The following CFAP20DC variants were observed in gnomAD, a reference collection of about 807,000 sequenced individuals.
CFAP20DC encodes protein CFAP20DC.
CFAP20DC carries 84 observed loss-of-function variants against 101.7 expected under a neutral mutation model. The ratio of observed to expected loss-of-function variants is 0.83; its 90% CI spans 0.69 to 0.99. The LOEUF is 0.99. Ranked by LOEUF, CFAP20DC falls within the 50% of genes least tolerant of loss-of-function variation. The pLI, the probability that CFAP20DC is intolerant of heterozygous loss-of-function variation, is 0.00. For synonymous variants in CFAP20DC, 359 were observed against 351.2 expected, an observed-to-expected ratio of 1.02 and a Z score of -0.25; for missense variants, 1,007 against 970.3, an observed-to-expected ratio of 1.04 and a Z score of -0.50.
At chr3:58,815,596 C>T (rs1221071654) in intron 14 of CFAP20DC, among the ~76,000 whole-genome samples, 1 of 151,496 alleles carries the variant, frequency 6.6e-6, no homozygotes, top group Non-Finnish European at 1.5e-5. Context: ...AGAAAATTTT[C>T]ACAACCTGCT....
At chr3:58,761,765 T>A (rs1014139036) in intron 15 of CFAP20DC, among the ~76,000 whole-genome samples, 1 of 152,230 alleles carries the variant, frequency 6.6e-6, no homozygotes, top group African/African-American at 2.4e-5. Context: ...TCAAAGAACA[T>A]CTTTATTCCT....
At chr3:58,934,237 C>T (rs148891716) in intron 5 of CFAP20DC, among the ~76,000 whole-genome samples, 5,647 of 152,242 alleles carry the variant, frequency 0.037, 349 homozygotes, top group African/African-American at 0.13. Context: ...AGCTGAATCT[C>T]TGAATAGACC....
intron 4 of CFAP20DC, among the ~76,000 whole-genome samples, chr3:58,985,404 A>G (rs998473422): frequency 6.6e-6 from 1 of 152,104 alleles, no homozygotes; most frequent in Non-Finnish European, 1.5e-5. Flanking sequence ...TACACTCACC[A>G]TATCTAGTTT....
rs764899963 is a variant in CFAP20DC, at chr3:58,782,296, G to A, written c.2237+24099C>T. Among the ~76,000 whole-genome samples, 38 of 151,714 alleles carry A rather than the reference G, an allele frequency of 2.5e-4. 1 individual carries two copies. The highest frequency in any genetic ancestry group is 1.3e-4 in the Admixed American group (2 of 15,184). On this transcript the variant is annotated intron_variant, in intron 15 of 16. Coordinates refer to ENST00000482387, the MANE Select transcript of CFAP20DC (RefSeq NM_001394063.1). ...AATAATATACTTCAAAATAATAAAG[G>A]CCATATATGACACACCCAGAGCTAA... is the stretch of plus-strand genomic sequence containing the variant.
chr3:58,782,329 C>T (rs2071907270), intron 15 of CFAP20DC, among the ~76,000 whole-genome samples: 1 of 151,972 alleles, frequency 6.6e-6, no homozygotes, highest in South Asian at 2.1e-4. Flanking sequence ...TAACATCATA[C>T]TGAATAGGGA....
At chr3:58,808,349 G>T (rs1324378818) in intron 14 of CFAP20DC, among the ~76,000 whole-genome samples, 3 of 152,212 alleles carry the variant, frequency 2.0e-5, no homozygotes, top group African/African-American at 7.2e-5. Flanking sequence ...AAGCCCATCA[G>T]ACTAACAGCT....
At chr3:59,032,744 T>C (rs919357809) in intron 4 of CFAP20DC, among the ~76,000 whole-genome samples, 2 of 152,102 alleles carry the variant, frequency 1.3e-5, no homozygotes, top group African/African-American at 4.8e-5. Context: ...ATGGAGCACC[T>C]GGGGGAAGGG....
chr3:58,737,177 G>T (rs1218652349), downstream of CFAP20DC: 3 of 456,556 alleles, frequency 6.6e-6, no homozygotes, highest in Non-Finnish European at 1.3e-5. The surrounding 1 kb of genome is among the most constrained non-coding windows in gnomAD (Gnocchi z 4.1). Context: ...TGAAAAGTGG[G>T]TCTAAAAAAT....
intron 16 of CFAP20DC, among the ~76,000 whole-genome samples, chr3:58,746,616 C>T (rs974544357): frequency 5.3e-5 from 8 of 151,998 alleles, no homozygotes; most frequent in Non-Finnish European, 7.4e-5. Context: ...GCAATAACTG[C>T]GATATAAATG....
At chr3:59,039,517 A>G in intron 4 of CFAP20DC, 40 bp downstream of exon 4, 1 of 1,202,190 alleles carries the variant, frequency 8.3e-7, no homozygotes, top group Non-Finnish European at 1.2e-6. Flanking sequence ...TCAAATGTCT[A>G]ATACACACAA....
chr3:58,806,553 C>A, intron 14 of CFAP20DC, 97 bp from the exon 15 acceptor site: 6 of 888,808 alleles, frequency 6.8e-6, no homozygotes, highest in East Asian at 2.5e-5. Flanking sequence ...TTTCCTCAGA[C>A]ACAACCCACA....
Position 59,047,161 on chromosome 3 carries a change from T to C in CFAP20DC, c.111+4A>G, listed in dbSNP as rs2109322925. The stretch of plus-strand genomic sequence containing the variant: ...TTTATGTGGCTCTAATTTCTAATAC[T>C]TACTTTCCAAATCACAGATGGACTA... On this transcript the variant is annotated splice_donor_region_variant and intron_variant, in intron 2 of 16. Coordinates refer to ENST00000482387, the MANE Select transcript of CFAP20DC (RefSeq NM_001394063.1). 2.6e-6 allele frequency: 4 copies of C among 1,522,238 alleles called. No individual in the cohort carries two copies. Among genetic ancestry groups the C allele is most frequent in the East Asian group, 2.5e-5 (1 of 40,812 alleles). 94.3% of individuals were successfully genotyped at this position (1,522,238 alleles called of 1,614,324 possible). A position where few individuals can be genotyped will look rare whatever the true frequency, so the allele number is the denominator to read the frequency against.
rs180935143 is a variant in CFAP20DC, at chr3:58,985,920, T to C, written c.279-48158A>G. Among the ~76,000 whole-genome samples, 412 of 152,352 alleles carry C rather than the reference T, an allele frequency of 2.7e-3. 1 individual carries two copies. Among genetic ancestry groups the C allele is most frequent in the African/African-American group, 9.3e-3 (386 of 41,586 alleles). On this transcript the variant is annotated intron_variant, in intron 4 of 16. Coordinates refer to ENST00000482387, the MANE Select transcript of CFAP20DC (RefSeq NM_001394063.1). ...GTCTGGAACAGTCTCTGGAATCTTA[T>C]ACAGTACACATTGAACAGACACTGG...
At chr3:58,856,501 T>C (rs1375723769) in intron 12 of CFAP20DC, among the ~76,000 whole-genome samples, 1 of 152,168 alleles carries the variant, frequency 6.6e-6, no homozygotes, top group Non-Finnish European at 1.5e-5. Flanking sequence ...GGCAACCCTC[T>C]CTGCTGTAGG....
At chr3:58,843,128 A>G (rs888413643) in intron 13 of CFAP20DC, among the ~76,000 whole-genome samples, 2 of 152,240 alleles carry the variant, frequency 1.3e-5, no homozygotes, top group Admixed American at 6.5e-5. Context: ...AAAGGAACAC[A>G]GTTCCTCACC....
Position 59,046,250 on chromosome 3 carries a change from G to A in CFAP20DC, c.184C>T (p.Pro62Ser), listed in dbSNP as rs568598800. 6.5e-7 allele frequency: 1 copy of A among 1,530,290 alleles called. No individual in the cohort carries two copies. The highest frequency in any genetic ancestry group is 1.4e-5 in the African/African-American group (1 of 72,834). 94.8% of individuals were successfully genotyped at this position (1,530,290 alleles called of 1,614,324 possible). A position where few individuals can be genotyped will look rare whatever the true frequency, so the allele number is the denominator to read the frequency against. Residue 62 changes from proline (P) to serine (S), a missense_variant, in exon 3 of 17, where the codon CCA becomes TCA. Transcript: ENST00000482387. Reference protein sequence around the residue: ...GSSQTNKIQLPKENKQSLGLI... With the variant: ...GSSQTNKIQLSKENKQSLGLI... Reference sequence around the variant, plus strand: ...TTACGGCTTTGCTTATTCTCCTTTGGTAACTGAATTTTGTTTGTTTGGCTG... The same window carrying A: ...TTACGGCTTTGCTTATTCTCCTTTGATAACTGAATTTTGTTTGTTTGGCTG...
In CFAP20DC at chr3:58,867,834, C is replaced by T. The variant is rs565431731; in HGVS notation, c.1118G>A (p.Arg373Lys). ...RLRLKSTSRERTETPSGSSSG... is the reference protein window; with the variant it reads ...RLRLKSTSREKTETPSGSSSG... ...TGCCATACCGCTGGGTGTCTCTGTC[C>T]TTTCTCTGCTGGTACTTTTTAACCG... The change falls in exon 10 of 17, where the codon AGG (arginine) becomes AAG (lysine). Residue 373 changes from arginine (R) to lysine (K), a missense_variant. By Grantham distance (26) the Arg-to-Lys change is conservative. Transcript: ENST00000482387. 10 of 1,613,410 alleles carry T rather than the reference C, an allele frequency of 6.2e-6. No individual in the cohort carries two copies. The highest frequency in any genetic ancestry group is 8.5e-6 in the Non-Finnish European group (10 of 1,179,602).
intron 4 of CFAP20DC, among the ~76,000 whole-genome samples, chr3:58,977,055 C>A (rs925764743): frequency 3.3e-5 from 5 of 152,086 alleles, no homozygotes; most frequent in Non-Finnish European, 4.4e-5. Flanking sequence ...TATTTAGAAG[C>A]CTGGTGATAT....
intron 5 of CFAP20DC, among the ~76,000 whole-genome samples, chr3:58,935,778 T>G (rs2087486236): frequency 6.6e-6 from 1 of 152,178 alleles, no homozygotes; most frequent in Non-Finnish European, 1.5e-5. Context: ...TAATTCAAGG[T>G]GGATTAAAGA....
Sources: allele counts gnomAD v4.1 joint callset (sites outside exome capture counted in the v4.1 genomes callset), GRCh38; gene constraint gnomAD v4.1.1; non-coding constraint Gnocchi (gnomAD v3.1); transcripts MANE v1.5; gene names NCBI Gene and HGNC (gene_info 2026-07-23, HGNC 2026-07-21).